The following MAPK8IP2 variants were observed in gnomAD, a reference collection of about 807,000 sequenced individuals.
MAPK8IP2 encodes the protein C-Jun-amino-terminal kinase-interacting protein 2.
Under a neutral mutation model 75.6 loss-of-function variants are expected in MAPK8IP2, and 15 were observed. The ratio of observed to expected loss-of-function variants is 0.20; its 90% CI spans 0.13 to 0.31. MAPK8IP2 has a LOEUF of 0.31. Ranked by LOEUF, MAPK8IP2 falls within the 10% of genes least tolerant of loss-of-function variation. The probability of loss-of-function intolerance (pLI) is 1.00; values close to 1 mark genes in which losing one functional copy is unlikely to be tolerated. For synonymous variants in MAPK8IP2, 632 were observed against 554.5 expected, an observed-to-expected ratio of 1.14 and a Z score of -1.96; for missense variants, 1,089 against 1,211.2, an observed-to-expected ratio of 0.90 and a Z score of 1.50.
Position 50,606,656 on chromosome 22 carries a change from A to T in MAPK8IP2, c.2125-2A>T. The stretch of plus-strand genomic sequence containing the variant: ...CCTCTTCTCCCCCAACTTCTTCTGT[A>T]GATTGCCACTGCCCGGAAACTGACC... On this transcript the variant is annotated splice_acceptor_variant, in intron 8 of 11. Coordinates refer to ENST00000329492, the MANE Select transcript of MAPK8IP2 (RefSeq NM_012324.6). LOFTEE classifies it high-confidence loss of function. The T allele has an allele frequency of 6.3e-7, 1 of 1,588,906 alleles. No individual in the cohort carries two copies. The highest frequency in any genetic ancestry group is 8.6e-7 in the Non-Finnish European group (1 of 1,167,206).
intron 10 of MAPK8IP2, chr22:50,609,848 A>G (rs1357289363): frequency 3.8e-6 from 2 of 519,552 alleles, no homozygotes; most frequent in African/African-American, 3.8e-5. Context: ...CCGCAGGAGG[A>G]GGCCTGAGTT....
At chr22:50,605,283 G>C in intron 5 of MAPK8IP2, 85 bp from the exon 6 acceptor site, 2 of 1,344,732 alleles carry the variant, frequency 1.5e-6, no homozygotes, top group South Asian at 1.2e-5. Flanking sequence ...GAGGGGACTT[G>C]GCCTCTGCCC....
In MAPK8IP2 at chr22:50,604,460, C is replaced by T; in HGVS notation, c.1161C>T (p.Ala387=). ...PRPPGEPVSP[A]GGAAQDSQDP... is the part of the protein sequence containing the mutation. Reference sequence around the variant, plus strand: ...CGCCCGGGGAGCCCGTGTCGCCGGCCGGCGGGGCCGCCCAGGACTCCCAGG... The same window carrying T: ...CGCCCGGGGAGCCCGTGTCGCCGGCTGGCGGGGCCGCCCAGGACTCCCAGG... Residue 387 remains alanine, a synonymous_variant, in exon 5 of 12, where the codon GCC becomes GCT. Coordinates refer to ENST00000329492, the MANE Select transcript of MAPK8IP2 (RefSeq NM_012324.6). The T allele has an allele frequency of 7.3e-7, 1 of 1,373,766 alleles. No homozygotes were observed. Among genetic ancestry groups the T allele is most frequent in the South Asian group, 1.6e-5 (1 of 61,302 alleles). The allele number at this position is 1,373,766 out of a possible 1,614,324, so 85.1% of individuals were successfully genotyped here.
chr22:50,603,304 G>A lies in MAPK8IP2; in HGVS notation c.253G>A (p.Asp85Asn). ...TGACTTCCAGGAGTTTGAGATGATCGATGACAATGAAGAGGAGGACGATGA... is the reference window on the plus strand; with the variant it reads ...TGACTTCCAGGAGTTTGAGATGATCAATGACAATGAAGAGGAGGACGATGA... Reference protein sequence around the residue: ...QDDFQEFEMIDDNEEEDDEDE... With the variant: ...QDDFQEFEMINDNEEEDDEDE... The change falls in exon 3 of 12, where the codon GAT becomes AAT. Residue 85 changes from aspartate to asparagine, a missense_variant. Around this residue, in one of 2 missense-constraint regions of MAPK8IP2, gnomAD observed 960 missense variants for 1,009.6 expected, o/e 0.95. Coordinates refer to ENST00000329492, the MANE Select transcript of MAPK8IP2 (RefSeq NM_012324.6). The A allele has an allele frequency of 6.4e-7, 1 of 1,571,468 alleles. No individual in the cohort carries two copies. Among genetic ancestry groups the A allele is most frequent in the Non-Finnish European group, 8.6e-7 (1 of 1,160,740 alleles).
At position 50,602,030 on chromosome 22, in the gene MAPK8IP2, T is replaced by C. The variant is rs368802099; in HGVS notation, c.171+136T>C. On this transcript the variant is annotated intron_variant, in intron 2 of 11. Coordinates refer to ENST00000329492, the MANE Select transcript of MAPK8IP2 (RefSeq NM_012324.6). ...GACTCCTCTGATGGCTCCTCCCCAC[T>C]TAACCCTTGAGGTTTCCTTGGTATC... 90 of 677,138 alleles carry C rather than the reference T, an allele frequency of 1.3e-4. No individual in the cohort carries two copies. The South Asian group carries it at 1.5e-3, about 11-fold the overall frequency. The allele number at this position is 677,138 out of a possible 1,614,324, so 41.9% of individuals were successfully genotyped here. A position where few individuals can be genotyped will look rare whatever the true frequency, so the allele number is the denominator to read the frequency against.
rs1006647755 is a variant in MAPK8IP2 at position 50,604,240 on chromosome 22, C to T, written c.941C>T (p.Pro314Leu). 9.0e-6 allele frequency: 14 copies of T among 1,563,352 alleles called. No individual in the cohort carries two copies. Among genetic ancestry groups the T allele is most frequent in the East Asian group, 2.3e-5 (1 of 42,694 alleles). ...ASEPEPPREP[P>L]RRPAFLPVGP... ...GAGCCGGAGCCCCCGCGCGAACCCC[C>T]GCGCCGCCCCGCCTTCCTGCCCGTG... Residue 314 changes from proline to leucine, a missense_variant, in exon 5 of 12, where the codon CCG (proline) becomes CTG (leucine). Coordinates refer to ENST00000329492, the MANE Select transcript of MAPK8IP2 (RefSeq NM_012324.6).
intron 10 of MAPK8IP2, chr22:50,609,872 G>C (rs919361192): frequency 2.4e-5 from 13 of 533,526 alleles, no homozygotes; most frequent in Non-Finnish European, 4.0e-5. Flanking sequence ...AGGAGATATG[G>C]TCTCCAGTAG....
Position 50,606,720 on chromosome 22 carries a change from C to T in MAPK8IP2, c.2187C>T (p.Ile729=), listed in dbSNP as rs1313147047. ...CTCCTGCCTCCTGTGACCTCGAGAT[C>T]TCTCTTCGGGGGGTCAAGCTGAGTC... ...LRPPASCDLE[I]SLRGVKLSLS... is the part of the protein sequence containing the mutation. Residue 729 remains isoleucine (I), a synonymous_variant, in exon 9 of 12, where the codon ATC becomes ATT. Transcript: ENST00000329492. 1.3e-6 allele frequency: 2 copies of T among 1,593,744 alleles called. No individual in the cohort carries two copies. The highest frequency in any genetic ancestry group is 3.5e-5 in the Admixed American group (2 of 56,912).
intron 8 of MAPK8IP2, 31 bp from the exon 9 acceptor site, chr22:50,606,627 A>C: frequency 6.6e-7 from 1 of 1,508,126 alleles, no homozygotes; most frequent in Non-Finnish European, 9.1e-7. Flanking sequence ...GGGCTCCTCA[A>C]GACCCTCTTC....
At chr22:50,602,126 C>T (rs757040166) in intron 2 of MAPK8IP2, among the ~76,000 whole-genome samples, 4 of 152,306 alleles carry the variant, frequency 2.6e-5, no homozygotes, top group South Asian at 2.1e-4. Flanking sequence ...CCGACCCCAT[C>T]GGTGGCCAGC....
intron 2 of MAPK8IP2, 132 bp downstream of exon 2, chr22:50,602,026 C>T (rs939936748): frequency 2.9e-6 from 2 of 682,132 alleles, no homozygotes; most frequent in African/African-American, 1.8e-5. Flanking sequence ...TGGCTCCTCC[C>T]CACTTAACCC....
At chr22:50,608,501 G>T (rs2071088830) in intron 10 of MAPK8IP2, among the ~76,000 whole-genome samples, 1 of 141,254 alleles carries the variant, frequency 7.1e-6, no homozygotes, top group Admixed American at 7.0e-5. Flanking sequence ...AGCGGGCAGG[G>T]GCGCAGACCA....
rs1294318865 is a variant in MAPK8IP2 at position 50,604,880 on chromosome 22, G to T, written c.1581G>T (p.Arg527=). ...CGCAGCTGGAGCTGGTGAGCCTGCG[G>T]CGCTGTGCTGGGCTGGGCCACGACA... The part of the protein sequence containing the change: ...EHTQLELVSL[R]RCAGLGHDSE... The change falls in exon 5 of 12, where the codon CGG becomes CGT. Residue 527 remains arginine (R), a synonymous_variant. Transcript: ENST00000329492. The T allele has an allele frequency of 1.4e-5, 23 of 1,606,620 alleles. No homozygotes were observed. In the Admixed American group the frequency reaches 3.9e-4, roughly 27 times the overall value.
rs750969993 is a variant in MAPK8IP2, at chr22:50,605,820, C to T, written c.2015-5C>T. ...GACCTGGGCCCTCTGTGCCCCGCTC[C>T]CCAGGGAGTAAGCGGAGCCCCTGCT... On this transcript the variant is annotated splice_polypyrimidine_tract_variant and splice_region_variant and intron_variant, in intron 7 of 11. Coordinates refer to ENST00000329492, the MANE Select transcript of MAPK8IP2 (RefSeq NM_012324.6). 5.0e-6 allele frequency: 8 copies of T among 1,590,188 alleles called. No homozygotes were observed. Among genetic ancestry groups the T allele is most frequent in the Non-Finnish European group, 6.8e-6 (8 of 1,169,448 alleles).
chr22:50,607,805 A>C lies in MAPK8IP2; in HGVS notation c.2303+814A>C, dbSNP rs2071076022. ...GAGGGAGACCTGGAGGGAAGATACCAGGTCAGAGCAGGTAGATCACTGAGA... is the reference window on the plus strand; with the variant it reads ...GAGGGAGACCTGGAGGGAAGATACCCGGTCAGAGCAGGTAGATCACTGAGA... On this transcript the variant is annotated intron_variant, in intron 10 of 11. Coordinates refer to ENST00000329492, the MANE Select transcript of MAPK8IP2 (RefSeq NM_012324.6). This position sits in a 1 kb window ranked among gnomAD's most constrained non-coding sequence, Gnocchi z 5.6. Among the ~76,000 whole-genome samples, 1 of 152,006 alleles carries C rather than the reference A, an allele frequency of 6.6e-6. No homozygotes were observed. Among genetic ancestry groups the C allele is most frequent in the Non-Finnish European group, 1.5e-5 (1 of 67,974 alleles).
chr22:50,601,988 C>T (rs1258431067), intron 2 of MAPK8IP2, 94 bp downstream of exon 2: 6 of 1,028,456 alleles, frequency 5.8e-6, no homozygotes, highest in African/African-American at 4.7e-5. Flanking sequence ...TGGGTGTGAG[C>T]TCAGCCTTGA....
chr22:50,609,149 G>A (rs990358972), intron 10 of MAPK8IP2, among the ~76,000 whole-genome samples: 5 of 152,174 alleles, frequency 3.3e-5, no homozygotes, highest in African/African-American at 1.2e-4. Flanking sequence ...TGAGGTGAAC[G>A]ATGAACTCGT....
chr22:50,601,632 T>C (rs891805389), intron 1 of MAPK8IP2, among the ~76,000 whole-genome samples, 157 bp from the exon 2 acceptor site: 1 of 152,120 alleles, frequency 6.6e-6, no homozygotes, highest in Admixed American at 6.5e-5. Flanking sequence ...CGAGCAGAGC[T>C]TGGGGGTCAA....
At position 50,605,880 on chromosome 22, in the gene MAPK8IP2, C is replaced by T. The variant is rs763939140; in HGVS notation, c.2070C>T (p.Ser690=). 1.8e-5 allele frequency: 28 copies of T among 1,587,498 alleles called. No homozygotes were observed. The highest frequency in any genetic ancestry group is 2.3e-5 in the Non-Finnish European group (27 of 1,168,476). The change falls in exon 8 of 12, where the codon TCC becomes TCT. Residue 690 remains serine, a synonymous_variant. Coordinates refer to ENST00000329492, the MANE Select transcript of MAPK8IP2 (RefSeq NM_012324.6). The part of the protein sequence containing the change: ...VERFDVQFLG[S]VEVPCHQGNG... ...GCTTTGACGTGCAGTTCCTGGGCTC[C>T]GTGGAGGTGCCCTGCCACCAGGGCA... is the stretch of plus-strand genomic sequence containing the variant.
Sources: gnomAD v4.1 joint callset for allele counts (sites outside exome capture counted in the v4.1 genomes callset) on GRCh38, gnomAD v4.1.1 for gene constraint, gnomAD v4.1.1 regional missense constraint, Gnocchi (gnomAD v3.1) non-coding constraint, MANE v1.5 for transcripts, NCBI Gene and HGNC (gene_info 2026-07-23, HGNC 2026-07-21) for gene names.